Variants in MEIKIN observed in about 807,000 individuals in gnomAD.
The protein encoded by MEIKIN is meiosis-specific kinetochore protein.
intron 9 of MEIKIN, among the ~76,000 whole-genome samples, chr5:131,861,156 C>T (rs1036620656): frequency 4.6e-5 from 7 of 151,764 alleles, no homozygotes; most frequent in Non-Finnish European, 8.8e-5. Context: ...TTTGGGAGGC[C>T]GAAGTGGGCG....
At chr5:131,919,270 T>C (rs2149646802) in intron 6 of MEIKIN, among the ~76,000 whole-genome samples, 1 of 152,288 alleles carries the variant, frequency 6.6e-6, no homozygotes, top group Admixed American at 6.5e-5. Context: ...TTTAACACAC[T>C]GCTGTTGGGA....
At chr5:131,925,915 G>A (rs998168425) in intron 5 of MEIKIN, among the ~76,000 whole-genome samples, 57 of 152,106 alleles carry the variant, frequency 3.7e-4, no homozygotes, top group Admixed American at 8.5e-4. Context: ...TGATCTGCCC[G>A]CCTTGGCCTC....
intron 8 of MEIKIN, among the ~76,000 whole-genome samples, chr5:131,882,326 C>A (rs1284691854): frequency 1.3e-5 from 2 of 152,122 alleles, no homozygotes; most frequent in African/African-American, 4.8e-5. Flanking sequence ...CCTCTTAGAA[C>A]CTTAGGACCA....
At chr5:131,927,863 C>T (rs770636882) in intron 5 of MEIKIN, among the ~76,000 whole-genome samples, 1 of 152,064 alleles carries the variant, frequency 6.6e-6, no homozygotes, top group African/African-American at 2.4e-5. Flanking sequence ...TAAAGAGGAT[C>T]GGCCGGGCGC....
chr5:131,898,455 C>T (rs1751092225), intron 8 of MEIKIN, among the ~76,000 whole-genome samples: 1 of 152,244 alleles, frequency 6.6e-6, no homozygotes, highest in Admixed American at 6.5e-5. Flanking sequence ...CTGCTCTCTT[C>T]AGAGCTGTCA....
chr5:131,938,968 T>C (rs917533178), intron 4 of MEIKIN, among the ~76,000 whole-genome samples: 1 of 152,250 alleles, frequency 6.6e-6, no homozygotes, highest in African/African-American at 2.4e-5. Flanking sequence ...CAAATTCCAG[T>C]CTTCTCCTGG....
At chr5:131,834,536 T>C (rs1749769681) in intron 11 of MEIKIN, among the ~76,000 whole-genome samples, 1 of 152,206 alleles carries the variant, frequency 6.6e-6, no homozygotes, top group Admixed American at 6.6e-5. Flanking sequence ...TCTCTGCTTC[T>C]GTGTGACATT....
In MEIKIN at chr5:131,813,703, A is replaced by C. The variant is rs1177236837; in HGVS notation, c.1099+5037T>G. On this transcript the variant is annotated intron_variant, in intron 12 of 12. Transcript: ENST00000442687. ...CAGCCTCCCGAAGTACTGGGATTACAGGCTTGAGCCACCGTGCCCAGCCGA... is the reference window on the plus strand; with the variant it reads ...CAGCCTCCCGAAGTACTGGGATTACCGGCTTGAGCCACCGTGCCCAGCCGA... 5.9e-5 allele frequency among the ~76,000 whole-genome samples: 9 copies of C among 152,288 alleles called. No individual in the cohort carries two copies. In the East Asian group the frequency reaches 9.6e-4, roughly 16 times the overall value.
intron 11 of MEIKIN, among the ~76,000 whole-genome samples, chr5:131,838,257 A>T (rs1287789530): frequency 6.6e-6 from 1 of 151,996 alleles, no homozygotes; most frequent in African/African-American, 2.4e-5. Flanking sequence ...CAGTTTGCCC[A>T]TATTTTGTTG....
chr5:131,852,165 T>A (rs756427963), intron 10 of MEIKIN, among the ~76,000 whole-genome samples: 5 of 152,200 alleles, frequency 3.3e-5, no homozygotes, highest in Non-Finnish European at 7.3e-5. Context: ...ATCCCCATAA[T>A]CCCCATAGGT....
At chr5:131,858,713 T>C (rs575320759) in intron 9 of MEIKIN, among the ~76,000 whole-genome samples, 1 of 152,256 alleles carries the variant, frequency 6.6e-6, no homozygotes, top group African/African-American at 2.4e-5. Flanking sequence ...CCAGGATATA[T>C]AAGGAACTTA....
chr5:131,868,491 T>C (rs541803689), intron 9 of MEIKIN, among the ~76,000 whole-genome samples: 2 of 152,344 alleles, frequency 1.3e-5, no homozygotes, highest in South Asian at 4.1e-4. Flanking sequence ...GAGGTGTCTG[T>C]TCAGGTCTTT....
intron 8 of MEIKIN, among the ~76,000 whole-genome samples, chr5:131,904,073 A>G (rs1433098879): frequency 6.6e-6 from 1 of 152,212 alleles, no homozygotes; most frequent in East Asian, 1.9e-4. Context: ...AGGGCATTAC[A>G]TAATCTAAGA....
chr5:131,860,248 G>C (rs1218486391), intron 9 of MEIKIN, among the ~76,000 whole-genome samples: 1 of 142,284 alleles, frequency 7.0e-6, no homozygotes, highest in Non-Finnish European at 1.5e-5. Context: ...TCCTTGTAGA[G>C]ATCTTTCACT....
intron 8 of MEIKIN, among the ~76,000 whole-genome samples, chr5:131,880,972 G>A (rs954653983): frequency 6.6e-6 from 1 of 152,060 alleles, no homozygotes; most frequent in African/African-American, 2.4e-5. Flanking sequence ...AATTTAACTG[G>A]GTATTCTGTA....
chr5:131,832,027 T>C (rs1476958486), intron 11 of MEIKIN, among the ~76,000 whole-genome samples: 1 of 152,082 alleles, frequency 6.6e-6, no homozygotes, highest in East Asian at 1.9e-4. Context: ...CCAAATCTCA[T>C]GTCCTCACAT....
rs59435888 is a variant in MEIKIN, at chr5:131,863,557, C to CTTTTTTTTTTTTTTTTTTTTTTTTTTTT, written c.775-8724_775-8723insAAAAAAAAAAAAAAAAAAAAAAAAAAAA. On this transcript the variant is annotated intron_variant, in intron 9 of 12. Coordinates refer to ENST00000442687, the MANE Select transcript of MEIKIN (RefSeq NM_001303622.2). ...TCATTATATAATGACCTTCTTTGTCCTTTTTTTTTTTTTTTTTTTTTTTTT... is the reference window on the plus strand; with the variant it reads ...TCATTATATAATGACCTTCTTTGTCCTTTTTTTTTTTTTTTTTTTTTTTTTTTTTTTTTTTTTTTTTTTTTTTTTTTTT... 2.9e-5 allele frequency among the ~76,000 whole-genome samples: 2 copies of CTTTTTTTTTTTTTTTTTTTTTTTTTTTT among 68,430 alleles called. 1 individual carries two copies. The highest frequency in any genetic ancestry group is 4.8e-5 in the Non-Finnish European group (2 of 41,790). 44.9% of individuals were successfully genotyped at this position (68,430 alleles called of 152,430 possible).
In MEIKIN at chr5:131,911,860, G is replaced by T. The variant is rs946630463; in HGVS notation, c.658C>A (p.Gln220Lys). 3 of 397,508 alleles carry T rather than the reference G, an allele frequency of 7.5e-6. No homozygotes were observed. The highest frequency in any genetic ancestry group is 1.3e-4 in the South Asian group (1 of 7,820). 24.6% of individuals were successfully genotyped at this position (397,508 alleles called of 1,614,324 possible). A position where few individuals can be genotyped will look rare whatever the true frequency, so the allele number is the denominator to read the frequency against. Residue 220 changes from glutamine to lysine, a missense_variant, in exon 8 of 13, where the codon CAA becomes AAA. By Grantham distance (53) the Gln-to-Lys change is moderately conservative. Transcript: ENST00000442687. The part of the protein sequence containing the change: ...HRKTVMTVAD[Q>K]NVSPKAKCAS... ...CACTTTGCTTTTGGAGAAACATTTT[G>T]ATCTGCTACTGTCATCACTCTATAA...
At chr5:131,940,981 T>C (rs892095466) in intron 4 of MEIKIN, among the ~76,000 whole-genome samples, 3 of 151,952 alleles carry the variant, frequency 2.0e-5, no homozygotes, top group Admixed American at 1.3e-4. Flanking sequence ...GCCCCCCCGA[T>C]AGTTCACTTT....
Sources: allele counts gnomAD v4.1 joint callset (sites outside exome capture counted in the v4.1 genomes callset), GRCh38; gene constraint gnomAD v4.1.1; transcripts MANE v1.5; gene names NCBI Gene and HGNC (gene_info 2026-07-23, HGNC 2026-07-21).